The following MDFIC2 variants were observed in gnomAD, a reference collection of about 807,000 sequenced individuals.
The protein encoded by MDFIC2 is myoD family inhibitor domain-containing protein 2.
At chr3:70,198,132 T>C (rs1211251793) in intron 3 of MDFIC2, among the ~76,000 whole-genome samples, 1 of 152,216 alleles carries the variant, frequency 6.6e-6, no homozygotes, top group Non-Finnish European at 1.5e-5. Flanking sequence ...AGTGTTCATG[T>C]GATATATTAC....
Position 70,253,175 on chromosome 3 carries a change from T to A in MDFIC2, c.89-46385A>T, listed in dbSNP as rs117489448. On this transcript the variant is annotated intron_variant, in intron 2 of 3. Coordinates refer to ENST00000567252, the MANE Select transcript of MDFIC2 (RefSeq NM_001364677.1). The stretch of plus-strand genomic sequence containing the variant: ...AAGAGAAAAATATACAGCAGGTGAG[T>A]GAGATACAACATTTTGGAAAATATG... Among the ~76,000 whole-genome samples, 6 of 151,930 alleles carry A rather than the reference T, an allele frequency of 3.9e-5. No individual in the cohort carries two copies. The East Asian group carries it at 1.2e-3, about 29-fold the overall frequency.
At chr3:70,281,563 AG>A (rs1376206924) in intron 2 of MDFIC2, among the ~76,000 whole-genome samples, 4 of 152,142 alleles carry the variant, frequency 2.6e-5, no homozygotes, top group African/African-American at 9.7e-5. Flanking sequence ...ACAGGGTAAA[AG>A]CTCAAAACAA....
In MDFIC2 at chr3:70,196,783, T is replaced by C; in HGVS notation, c.*143A>G. The C allele has an allele frequency of 2.5e-6, 1 of 396,538 alleles. No homozygotes were observed. The highest frequency in any genetic ancestry group is 4.4e-6 in the Non-Finnish European group (1 of 225,222). 24.6% of individuals were successfully genotyped at this position (396,538 alleles called of 1,614,324 possible). The stretch of plus-strand genomic sequence containing the variant: ...ATTGAGTTGATAATACTAGCTTTCC[T>C]AGACAGGTGCAGAATAAAATGGCCT... On this transcript the variant is annotated 3_prime_UTR_variant, in exon 4 of 4. Transcript: ENST00000567252.
intron 2 of MDFIC2, among the ~76,000 whole-genome samples, chr3:70,214,615 T>TA (rs62931560): frequency 1.3e-5 from 2 of 150,132 alleles, no homozygotes; most frequent in Non-Finnish European, 3.0e-5. Flanking sequence ...GGCTTTTTTT[T>TA]TTTTTTATCT....
intron 2 of MDFIC2, among the ~76,000 whole-genome samples, chr3:70,243,480 T>C (rs1701679704): frequency 6.6e-6 from 1 of 152,190 alleles, no homozygotes; most frequent in Non-Finnish European, 1.5e-5. Flanking sequence ...GCACTGCTGC[T>C]GAATGTGATG....
intron 2 of MDFIC2, among the ~76,000 whole-genome samples, chr3:70,274,394 A>G (rs1702002432): frequency 6.6e-6 from 1 of 152,188 alleles, no homozygotes; most frequent in Admixed American, 6.6e-5. Context: ...TATGTGATAG[A>G]AATGAGCACT....
At position 70,195,094 on chromosome 3, in the gene MDFIC2, T is replaced by A. The variant is rs1260566841; in HGVS notation, c.*1832A>T. ...GAACCCAAGTTAGAGTTCCTGACAC[T>A]GCCAATAATTCACTGTGTGGTCTTG... On this transcript the variant is annotated 3_prime_UTR_variant, in exon 4 of 4. Transcript: ENST00000567252. Among the ~76,000 whole-genome samples the A allele has an allele frequency of 6.6e-6, 1 of 152,198 alleles. No individual in the cohort carries two copies. The highest frequency in any genetic ancestry group is 1.5e-5 in the Non-Finnish European group (1 of 68,046).
chr3:70,212,808 G>A (rs908539125), intron 2 of MDFIC2, among the ~76,000 whole-genome samples: 4 of 151,284 alleles, frequency 2.6e-5, no homozygotes, highest in South Asian at 4.2e-4. Flanking sequence ...CTTTTTTTGA[G>A]ACAGGGTCTC....
At chr3:70,305,290 CT>C (rs1702388334) in intron 2 of MDFIC2, among the ~76,000 whole-genome samples, 1 of 152,128 alleles carries the variant, frequency 6.6e-6, no homozygotes, top group South Asian at 2.1e-4. Context: ...TTCTTCACCC[CT>C]ATTTTTGTTA....
intron 2 of MDFIC2, among the ~76,000 whole-genome samples, chr3:70,253,235 G>C (rs1010246398): frequency 6.6e-6 from 1 of 152,200 alleles, no homozygotes; most frequent in Admixed American, 6.5e-5. Context: ...GTGCCTTTTA[G>C]TGAAGTCCTG....
At chr3:70,282,791 C>T (rs1013458851) in intron 2 of MDFIC2, among the ~76,000 whole-genome samples, 6 of 152,116 alleles carry the variant, frequency 3.9e-5, no homozygotes, top group Admixed American at 1.3e-4. Context: ...GACTAAAATA[C>T]AAATATCTAT....
At chr3:70,284,418 A>G (rs1257705091) in intron 2 of MDFIC2, among the ~76,000 whole-genome samples, 1 of 152,192 alleles carries the variant, frequency 6.6e-6, no homozygotes, top group Non-Finnish European at 1.5e-5. Context: ...AAGCAAAAAC[A>G]AAAAGAGAAC....
At chr3:70,243,745 G>A (rs1701681405) in intron 2 of MDFIC2, among the ~76,000 whole-genome samples, 1 of 152,086 alleles carries the variant, frequency 6.6e-6, no homozygotes, top group Non-Finnish European at 1.5e-5. Flanking sequence ...CTGATCTAAA[G>A]CAAGATTGAA....
At chr3:70,234,318 A>G (rs1200529216) in intron 2 of MDFIC2, among the ~76,000 whole-genome samples, 1 of 152,172 alleles carries the variant, frequency 6.6e-6, no homozygotes, top group African/African-American at 2.4e-5. Context: ...AGGCACTCTG[A>G]TGAGGTTTGG....
At chr3:70,220,927 C>T (rs928235558) in intron 2 of MDFIC2, among the ~76,000 whole-genome samples, 3 of 151,978 alleles carry the variant, frequency 2.0e-5, no homozygotes, top group Non-Finnish European at 4.4e-5. Context: ...CAGGGCTTGG[C>T]GTAAAGGGTG....
At chr3:70,252,180 C>A (rs1007720947) in intron 2 of MDFIC2, among the ~76,000 whole-genome samples, 4 of 152,158 alleles carry the variant, frequency 2.6e-5, no homozygotes, top group Admixed American at 1.3e-4. Flanking sequence ...ATGTCCTGAA[C>A]CTGTTACTTG....
At chr3:70,210,858 CAG>C (rs140898620) in intron 2 of MDFIC2, among the ~76,000 whole-genome samples, 6,602 of 152,076 alleles carry the variant, frequency 0.043, 188 homozygotes, top group South Asian at 0.11. Context: ...AAACTTAAGT[CAG>C]AGAAAAGATA....
chr3:70,242,686 G>A (rs1027890872), intron 2 of MDFIC2, among the ~76,000 whole-genome samples: 11 of 152,084 alleles, frequency 7.2e-5, no homozygotes, highest in Non-Finnish European at 1.0e-4. Context: ...TATATCTATC[G>A]AAGATAGCAA....
intron 2 of MDFIC2, among the ~76,000 whole-genome samples, chr3:70,239,232 A>G (rs1701641810): frequency 6.6e-6 from 1 of 152,196 alleles, no homozygotes; most frequent in Non-Finnish European, 1.5e-5. Flanking sequence ...ATTTACCTGT[A>G]TCTTGTAGAT....
Sources: allele counts gnomAD v4.1 joint callset (sites outside exome capture counted in the v4.1 genomes callset), GRCh38; gene constraint gnomAD v4.1.1; transcripts MANE v1.5; gene names NCBI Gene and HGNC (gene_info 2026-07-23, HGNC 2026-07-21).